The following DPP6 variants were observed in gnomAD, a reference collection of about 807,000 sequenced individuals.
DPP6 encodes the protein A-type potassium channel modulatory protein DPP6.
In DPP6, 69 loss-of-function variants were observed where a neutral mutation model predicts 122.6. The ratio of observed to expected loss-of-function variants is 0.56; its 90% CI spans 0.46 to 0.69. The LOEUF (loss-of-function observed/expected upper bound fraction) is 0.69, where lower values mean the gene tolerates loss of function less well. Among genes scored for constraint, DPP6 ranks in the 30% least tolerant of loss-of-function variants. The pLI, the probability that DPP6 is intolerant of heterozygous loss-of-function variation, is 0.00. For synonymous variants in DPP6, 418 were observed against 433.1 expected (o/e 0.97, Z 0.43); for missense variants, 928 against 1,116.9 (o/e 0.83, Z 2.41).
At chr7:153,759,011 C>T in the DPP6 span, among the ~76,000 whole-genome samples, 1 of 151,650 alleles carries the variant, frequency 6.6e-6, no homozygotes, top group Non-Finnish European at 1.5e-5. Context: ...TCTGAGGCTT[C>T]CGGTTCCCCC....
chr7:153,833,638 C>T, the DPP6 span, among the ~76,000 whole-genome samples: 1 of 151,378 alleles, frequency 6.6e-6, no homozygotes, highest in Non-Finnish European at 1.5e-5. Flanking sequence ...AGTGTCACTG[C>T]ACTCCAGCCT....
chr7:154,318,461 C>T (rs1052095253), intron 1 of DPP6, among the ~76,000 whole-genome samples: 1 of 152,158 alleles, frequency 6.6e-6, no homozygotes, highest in African/African-American at 2.4e-5. Context: ...TTGCTCTCCC[C>T]ACCTCTCTTC....
intron 3 of DPP6, among the ~76,000 whole-genome samples, chr7:154,516,086 G>GA (rs1348364632): frequency 6.6e-6 from 1 of 152,074 alleles, no homozygotes; most frequent in Non-Finnish European, 1.5e-5. Flanking sequence ...CAGGTCTGGG[G>GA]ATAGTCCAGT....
At chr7:153,931,911 C>A (rs139700954) in intron 1 of DPP6, among the ~76,000 whole-genome samples, 3 of 152,146 alleles carry the variant, frequency 2.0e-5, no homozygotes, top group Non-Finnish European at 4.4e-5. Flanking sequence ...AAACAATCTT[C>A]GTGCACCGGC....
rs573739115 is a variant in DPP6, at chr7:154,324,444, G to A, written c.244-121770G>A. On this transcript the variant is annotated intron_variant, in intron 1 of 25. Coordinates refer to ENST00000377770, the MANE Select transcript of DPP6 (RefSeq NM_130797.4). ...TCTTCTCTGGACTTCTCTGGGGCCC[G>A]TATCAGAACCCAAAACCTAGCCTCA... 2.0e-5 allele frequency among the ~76,000 whole-genome samples: 3 copies of A among 152,228 alleles called. No individual in the cohort carries two copies. The East Asian group carries it at 5.8e-4, about 29-fold the overall frequency.
chr7:154,289,662 C>T (rs759452601), intron 1 of DPP6, among the ~76,000 whole-genome samples: 4 of 152,184 alleles, frequency 2.6e-5, no homozygotes, highest in African/African-American at 7.2e-5. Context: ...AAATAAACTG[C>T]GTGTGCCAGT....
rs937357423 is a variant in DPP6, at chr7:154,892,551, C to T, written c.*71C>T. ...TGCAACCGAGGGATTTCCCTGCCCT[C>T]CCTCTTCCCTCGGAGGGGCGGGGCG... On this transcript the variant is annotated 3_prime_UTR_variant, in exon 26 of 26. Transcript: ENST00000377770. The T allele has an allele frequency of 6.3e-6, 10 of 1,593,808 alleles. No individual in the cohort carries two copies. In the African/African-American group the frequency reaches 1.1e-4, roughly 17 times the overall value.
At chr7:154,102,921 T>G (rs532707471) in intron 1 of DPP6, among the ~76,000 whole-genome samples, 3 of 151,464 alleles carry the variant, frequency 2.0e-5, no homozygotes, top group Non-Finnish European at 2.9e-5. Flanking sequence ...ACTCAACATG[T>G]GATCGGATTT....
In DPP6 at chr7:154,717,193, T is replaced by G. The variant is rs903422163; in HGVS notation, c.763-10574T>G. Among the ~76,000 whole-genome samples the G allele has an allele frequency of 3.9e-5, 6 of 152,192 alleles. No individual in the cohort carries two copies. In the East Asian group the frequency reaches 1.2e-3, roughly 29 times the overall value. On this transcript the variant is annotated intron_variant, in intron 7 of 25. Transcript: ENST00000377770. ...TATCAAATTACAGTAATTAGCAGAT[T>G]CATCAGCTCGAACATTTATCATTTA... is the stretch of plus-strand genomic sequence containing the variant.
chr7:154,679,525 C>G (rs560179508), intron 7 of DPP6, among the ~76,000 whole-genome samples: 1 of 152,274 alleles, frequency 6.6e-6, no homozygotes, highest in South Asian at 2.1e-4. Context: ...AAGTTACAGC[C>G]TGGCTCAGGG....
the DPP6 span, among the ~76,000 whole-genome samples, chr7:153,823,489 A>G: frequency 6.6e-6 from 1 of 150,416 alleles, no homozygotes; most frequent in Non-Finnish European, 1.5e-5. Context: ...CCTCTGCCTC[A>G]GGTTCCCACA....
chr7:154,056,699 C>G (rs1394048665), intron 1 of DPP6, among the ~76,000 whole-genome samples: 1 of 152,138 alleles, frequency 6.6e-6, no homozygotes, highest in Non-Finnish European at 1.5e-5. Context: ...CTTGGAAGGG[C>G]CAATTTCATC....
intron 16 of DPP6, among the ~76,000 whole-genome samples, chr7:154,816,185 C>T (rs188848242): frequency 6.6e-6 from 1 of 152,174 alleles, no homozygotes; most frequent in African/African-American, 2.4e-5. Flanking sequence ...AACAGTATGG[C>T]AGTCCCCCCT....
intron 7 of DPP6, among the ~76,000 whole-genome samples, chr7:154,709,586 C>CT (rs3080667): frequency 0.35 from 49,895 of 141,392 alleles, 9,115 homozygotes; most frequent in East Asian, 0.49. Context: ...CGACATTTTT[C>CT]TTTTTTTTTT....
chr7:154,760,630 G>A lies in DPP6; in HGVS notation c.884-8787G>A, dbSNP rs546689565. ...AACTGAGTGGGTGGATGACCCAGTC[G>A]ATTAACAAATGAGTGAGAAACGAGA... On this transcript the variant is annotated intron_variant, in intron 8 of 25. Transcript: ENST00000377770. This position sits in a 1 kb window ranked among gnomAD's most constrained non-coding sequence, Gnocchi z 4.5. 9.2e-5 allele frequency among the ~76,000 whole-genome samples: 14 copies of A among 152,198 alleles called. 1 individual carries two copies. Among genetic ancestry groups the A allele is most frequent in the African/African-American group, 2.4e-4 (10 of 41,512 alleles).
chr7:154,892,618 G>C lies in DPP6; in HGVS notation c.*138G>C. 1 of 1,509,504 alleles carries C rather than the reference G, an allele frequency of 6.6e-7. No homozygotes were observed. The highest frequency in any genetic ancestry group is 1.3e-5 in the South Asian group (1 of 79,652). 93.5% of individuals were successfully genotyped at this position (1,509,504 alleles called of 1,614,324 possible). On this transcript the variant is annotated 3_prime_UTR_variant, in exon 26 of 26. Transcript: ENST00000377770. ...TCCATAGCATGTGTGTCTCGGATGC[G>C]GAAGGCAGTTTTGCTTGGGAAACAA...
intron 1 of DPP6, among the ~76,000 whole-genome samples, chr7:154,086,200 A>G: frequency 6.6e-6 from 1 of 152,078 alleles, no homozygotes; most frequent in Non-Finnish European, 1.5e-5. Context: ...TACAAATATG[A>G]GAAGGGCATA....
chr7:154,213,480 G>A (rs2150812977), intron 1 of DPP6, among the ~76,000 whole-genome samples: 1 of 152,286 alleles, frequency 6.6e-6, no homozygotes. Flanking sequence ...ATTGCTGCAA[G>A]GACAAAGAGT....
chr7:153,871,535 C>T, the DPP6 span, among the ~76,000 whole-genome samples: 2 of 152,194 alleles, frequency 1.3e-5, no homozygotes, highest in East Asian at 1.9e-4. Context: ...ACCCAATTTT[C>T]CAGGTGCCGT....
Sources: allele counts gnomAD v4.1 joint callset (sites outside exome capture counted in the v4.1 genomes callset), GRCh38; gene constraint gnomAD v4.1.1; non-coding constraint Gnocchi (gnomAD v3.1); transcripts MANE v1.5; gene names NCBI Gene and HGNC (gene_info 2026-07-23, HGNC 2026-07-21).